LY6K: variants seen among roughly 807,000 people sequenced by gnomAD.
The protein encoded by LY6K is lymphocyte antigen 6 family member K.
A neutral mutation model predicts 10.4 loss-of-function variants in LY6K; 9 were observed. The observed-to-expected ratio is 0.87, with a 90% CI of 0.52 to 1.52. LY6K has a LOEUF of 1.52. LY6K is among the 40% of genes most tolerant of loss of function. LY6K has a pLI of 0.00. For missense variants in LY6K, 217 were observed against 211.7 expected (o/e 1.02, Z -0.15); for synonymous variants, 98 against 83.7 (o/e 1.17, Z -0.94).
chr8:142,700,221 G>A lies in LY6K; in HGVS notation c.-307G>A, dbSNP rs587769326. 1.3e-6 allele frequency: 1 copy of A among 757,284 alleles called. No individual in the cohort carries two copies. The highest frequency in any genetic ancestry group is 1.9e-5 in the African/African-American group (1 of 53,484). The allele number at this position is 757,284 out of a possible 1,614,324, so 46.9% of individuals were successfully genotyped here. A position where few individuals can be genotyped will look rare whatever the true frequency, so the allele number is the denominator to read the frequency against. On this transcript the variant is annotated 5_prime_UTR_variant, in exon 1 of 3. Transcript: ENST00000292430. ...CAAGGAGACGGCCCTTGGGCTCAGG[G>A]GCTGCGTTTCCACACGCGCCTTTCC... is the stretch of plus-strand genomic sequence containing the variant.
rs782171471 is a variant in LY6K at position 142,700,481 on chromosome 8, G to C, written c.-47G>C. 1 of 1,539,212 alleles carries C rather than the reference G, an allele frequency of 6.5e-7. No individual in the cohort carries two copies. Among genetic ancestry groups the C allele is most frequent in the South Asian group, 1.2e-5 (1 of 83,000 alleles). ...AGGCTGCGAAGGTTCCAGAAGGGCG[G>C]GGAGGGGGCGCCGCGCGCTGACCCT... On this transcript the variant is annotated 5_prime_UTR_variant, in exon 1 of 3. Transcript: ENST00000292430.
rs1453887570 is a variant in LY6K at position 142,702,557 on chromosome 8, C to T, written c.218-534C>T. 8.5e-6 allele frequency: 13 copies of T among 1,535,606 alleles called. No homozygotes were observed. The African/African-American group carries it at 1.1e-4, about 13-fold the overall frequency. On this transcript the variant is annotated intron_variant, in intron 2 of 2. Coordinates refer to ENST00000292430, the MANE Select transcript of LY6K (RefSeq NM_017527.4). ...GCCCAGCAGTCACTCTCCAGCCCTT[C>T]GGTATCCACGAAGTTGGTGGGGTGC... is the stretch of plus-strand genomic sequence containing the variant.
rs1587565764 is a variant in LY6K at position 142,704,005 on chromosome 8, C to T, written c.*634C>T. Reference sequence around the variant, plus strand: ...CACAGGTGCACAGATTCATAAATTCCCACACGTGTGTGTTCAACATCTGAA... The same window carrying T: ...CACAGGTGCACAGATTCATAAATTCTCACACGTGTGTGTTCAACATCTGAA... On this transcript the variant is annotated 3_prime_UTR_variant, in exon 3 of 3. Coordinates refer to ENST00000292430, the MANE Select transcript of LY6K (RefSeq NM_017527.4). The T allele has an allele frequency of 6.6e-6, 1 of 152,476 alleles. No homozygotes were observed. The highest frequency in any genetic ancestry group is 1.5e-5 in the Non-Finnish European group (1 of 68,186). 9.4% of individuals were successfully genotyped at this position (152,476 alleles called of 1,614,324 possible). A position where few individuals can be genotyped will look rare whatever the true frequency, so the allele number is the denominator to read the frequency against.
At chr8:142,701,950 T>C (rs938915734) in intron 2 of LY6K, 1 of 445,242 alleles carries the variant, frequency 2.2e-6, no homozygotes, top group Non-Finnish European at 4.1e-6. Flanking sequence ...GCTGGTATTA[T>C]GGATGCGCGC....
rs978191394 is a variant in LY6K at position 142,700,386 on chromosome 8, G to A, written c.-142G>A. 10 of 1,343,836 alleles carry A rather than the reference G, an allele frequency of 7.4e-6. No individual in the cohort carries two copies. The highest frequency in any genetic ancestry group is 3.6e-5 in the South Asian group (2 of 55,892). The allele number at this position is 1,343,836 out of a possible 1,614,324, so 83.2% of individuals were successfully genotyped here. On this transcript the variant is annotated 5_prime_UTR_variant, in exon 1 of 3. Coordinates refer to ENST00000292430, the MANE Select transcript of LY6K (RefSeq NM_017527.4). ...TCCAAAGACCCCGACAGGCCCCGGC[G>A]GGTGGGAGGCGCGCGCCCCGGGGCG...
chr8:142,700,569 G>A lies in LY6K; in HGVS notation c.42G>A (p.Arg14=). Residue 14 remains arginine, a synonymous_variant, in exon 1 of 3, where the codon CGG becomes CGA. Transcript: ENST00000292430. ...TGCTGCTGGTCGTGGCCCTACCGCG[G>A]GTGTGGACAGACGCCAACCTGACTG... is the stretch of plus-strand genomic sequence containing the variant. The part of the protein sequence containing the change: ...LALLLVVALP[R]VWTDANLTAR... 6.3e-7 allele frequency: 1 copy of A among 1,587,126 alleles called. No individual in the cohort carries two copies. Among genetic ancestry groups the A allele is most frequent in the Non-Finnish European group, 8.6e-7 (1 of 1,168,828 alleles).
At chr8:142,700,984 A>C (rs1815000111) in intron 1 of LY6K, among the ~76,000 whole-genome samples, 1 of 143,918 alleles carries the variant, frequency 6.9e-6, no homozygotes, top group Admixed American at 6.8e-5. Flanking sequence ...GGCCCAACCC[A>C]GACCCAAGGG....
intron 1 of LY6K, 100 bp from the exon 2 acceptor site, chr8:142,701,500 G>T: frequency 1.3e-6 from 1 of 752,274 alleles, no homozygotes; most frequent in South Asian, 1.6e-5. Context: ...GGAGAAGGAT[G>T]GGGACCCGCC....
chr8:142,701,761 G>A, intron 2 of LY6K, 48 bp downstream of exon 2: 1 of 1,246,382 alleles, frequency 8.0e-7, no homozygotes, highest in Non-Finnish European at 1.2e-6. Flanking sequence ...GTGAACAGAG[G>A]GCTTTCAGGA....
rs781915442 is a variant in LY6K at position 142,700,413 on chromosome 8, G to A, written c.-115G>A. ...GTGGGAGGCGCGCGCCCCGGGGCGG[G>A]CGGGGCTCCCCCTACCGGCCAGACC... is the stretch of plus-strand genomic sequence containing the variant. On this transcript the variant is annotated 5_prime_UTR_variant, in exon 1 of 3. Coordinates refer to ENST00000292430, the MANE Select transcript of LY6K (RefSeq NM_017527.4). 1 of 1,359,668 alleles carries A rather than the reference G, an allele frequency of 7.4e-7. No homozygotes were observed. The highest frequency in any genetic ancestry group is 1.7e-5 in the South Asian group (1 of 59,138). The allele number at this position is 1,359,668 out of a possible 1,614,324, so 84.2% of individuals were successfully genotyped here. A position where few individuals can be genotyped will look rare whatever the true frequency, so the allele number is the denominator to read the frequency against.
chr8:142,700,880 C>A (rs928932796), intron 1 of LY6K, among the ~76,000 whole-genome samples: 1 of 152,106 alleles, frequency 6.6e-6, no homozygotes, highest in Non-Finnish European at 1.5e-5. Flanking sequence ...CCTCAGGCTG[C>A]AGGCTCCCGC....
intron 2 of LY6K, chr8:142,702,623 T>C (rs1815083906): frequency 6.5e-7 from 1 of 1,533,534 alleles, no homozygotes; most frequent in African/African-American, 1.4e-5. Context: ...ACATCGACTT[T>C]ATAACTTAAT....
At chr8:142,701,171 C>T (rs1339610927) in intron 1 of LY6K, among the ~76,000 whole-genome samples, 1 of 151,818 alleles carries the variant, frequency 6.6e-6, no homozygotes, top group African/African-American at 2.4e-5. Context: ...GTGCTGCGGC[C>T]GAGTGGGGGT....
At position 142,703,281 on chromosome 8, in the gene LY6K, T is replaced by C. The variant is rs587753598; in HGVS notation, c.408T>C (p.Tyr136=). Residue 136 remains tyrosine (Y), a synonymous_variant, in exon 3 of 3, where the codon TAT becomes TAC. Transcript: ENST00000292430. ...TCAACTCATCAGTGTTCAAAGAATA[T>C]GCTGGGAGCATGGGTGAGAGCTGTG... is the stretch of plus-strand genomic sequence containing the variant. The part of the protein sequence containing the change: ...PPINSSVFKE[Y]AGSMGESCGG... The C allele has an allele frequency of 1.9e-6, 3 of 1,614,152 alleles. No individual in the cohort carries two copies. Among genetic ancestry groups the C allele is most frequent in the East Asian group, 2.2e-5 (1 of 44,882 alleles).
chr8:142,702,200 T>C (rs781957742), intron 2 of LY6K: 23 of 448,024 alleles, frequency 5.1e-5, no homozygotes, highest in Non-Finnish European at 9.0e-5. Context: ...CCTGCTACAG[T>C]GGGTCCAGAT....
At position 142,700,438 on chromosome 8, in the gene LY6K, C is replaced by A; in HGVS notation, c.-90C>A. On this transcript the variant is annotated 5_prime_UTR_variant, in exon 1 of 3. Transcript: ENST00000292430. ...GCGGGGCTCCCCCTACCGGCCAGAC[C>A]CGGGGAGAGGCGCGCGGAGGCTGCG... 1.4e-6 allele frequency: 2 copies of A among 1,456,756 alleles called. No homozygotes were observed. Among genetic ancestry groups the A allele is most frequent in the Non-Finnish European group, 1.8e-6 (2 of 1,105,014 alleles). 90.2% of individuals were successfully genotyped at this position (1,456,756 alleles called of 1,614,324 possible).
chr8:142,704,545 TC>T lies in LY6K; in HGVS notation c.*1176del, dbSNP rs1815149438. 4 of 152,232 alleles carry T rather than the reference TC, an allele frequency of 2.6e-5. No homozygotes were observed. Among genetic ancestry groups the T allele is most frequent in the Non-Finnish European group, 5.9e-5 (4 of 68,044 alleles). 9.4% of individuals were successfully genotyped at this position (152,232 alleles called of 1,614,324 possible). On this transcript the variant is annotated 3_prime_UTR_variant, in exon 3 of 3. Transcript: ENST00000292430. ...CGGGGTGACGATTTCCTGGGTGTTT[TC>T]CTGCTAAATCGTTGGCTGACTTTCT...
chr8:142,701,468 TG>T, intron 1 of LY6K, 131 bp from the exon 2 acceptor site: 1 of 657,392 alleles, frequency 1.5e-6, no homozygotes, highest in Non-Finnish European at 2.8e-6. Flanking sequence ...TCGAGTCATG[TG>T]GCCCCAGCCA....
At chr8:142,700,850 G>A (rs1814988873) in intron 1 of LY6K, among the ~76,000 whole-genome samples, 1 of 152,176 alleles carries the variant, frequency 6.6e-6, no homozygotes, top group Admixed American at 6.5e-5. Context: ...GCCCCGCTCC[G>A]GCCGCGCTTC....
Sources: gnomAD v4.1 joint callset for allele counts (sites outside exome capture counted in the v4.1 genomes callset) on GRCh38, gnomAD v4.1.1 for gene constraint, MANE v1.5 for transcripts, NCBI Gene and HGNC (gene_info 2026-07-23, HGNC 2026-07-21) for gene names.